KHDRBS2: variants seen among roughly 807,000 people sequenced by gnomAD.
KHDRBS2 encodes KH RNA binding domain containing, signal transduction associated 2.
KHDRBS2 carries 26 observed loss-of-function variants against 44.3 expected under a neutral mutation model. The ratio of observed to expected loss-of-function variants is 0.59; its 90% CI spans 0.43 to 0.81. The LOEUF (loss-of-function observed/expected upper bound fraction) is 0.81. KHDRBS2 is among the 40% of genes least tolerant of loss of function. The pLI, the probability that KHDRBS2 is intolerant of heterozygous loss-of-function variation, is 0.00. For synonymous variants in KHDRBS2, 194 were observed against 151.1 expected (o/e 1.28, Z -2.08); for missense variants, 476 against 433.1 (o/e 1.10, Z -0.88).
chr6:62,077,452 G>A (rs754334395), intron 2 of KHDRBS2, among the ~76,000 whole-genome samples: 4 of 152,010 alleles, frequency 2.6e-5, no homozygotes, highest in African/African-American at 9.7e-5. Flanking sequence ...TCATATGTAC[G>A]TCTGCATTCC....
At chr6:62,135,900 G>A (rs1811416089) in intron 2 of KHDRBS2, among the ~76,000 whole-genome samples, 3 of 152,028 alleles carry the variant, frequency 2.0e-5, no homozygotes, top group Non-Finnish European at 1.5e-5. Flanking sequence ...TAGAAAGGTG[G>A]GGTGGGGGAG....
At position 62,157,810 on chromosome 6, in the gene KHDRBS2, A is replaced by T. The variant is rs533302578; in HGVS notation, c.219+19375T>A. On this transcript the variant is annotated intron_variant, in intron 2 of 8. Transcript: ENST00000281156. ...TTTTAAAACTGTATTTAAGATGAAT[A>T]TGGCTAAAAATTCAGTTTGTAAATA... Among the ~76,000 whole-genome samples, 44 of 152,334 alleles carry T rather than the reference A, an allele frequency of 2.9e-4. No individual in the cohort carries two copies. In the South Asian group the frequency reaches 8.5e-3, roughly 29 times the overall value.
the KHDRBS2 span, among the ~76,000 whole-genome samples, chr6:61,663,499 C>CCATATATATATATATATATATATATATA: frequency 5.3e-4 from 3 of 5,630 alleles, no homozygotes; most frequent in African/African-American, 7.0e-4. Flanking sequence ...GCATGAGACA[C>CCATATATATATATATATATATATATATA]CATATATATA....
At chr6:62,256,566 C>A (rs1837425309) in intron 1 of KHDRBS2, among the ~76,000 whole-genome samples, 1 of 151,992 alleles carries the variant, frequency 6.6e-6, no homozygotes, top group Non-Finnish European at 1.5e-5. Flanking sequence ...TGAGACTTCC[C>A]CAGACACGTG....
intron 2 of KHDRBS2, among the ~76,000 whole-genome samples, chr6:62,067,135 T>C (rs530466696): frequency 6.6e-6 from 1 of 151,628 alleles, no homozygotes; most frequent in African/African-American, 2.4e-5. Context: ...GCAGATTACT[T>C]AGGTTACTTT....
chr6:61,732,922 A>G (rs57501826), intron 6 of KHDRBS2, among the ~76,000 whole-genome samples, 158 bp from the exon 7 acceptor site: 8,927 of 152,286 alleles, frequency 0.059, 438 homozygotes, highest in African/African-American at 0.13. Context: ...TTCTCACATA[A>G]ACTTAAATAA....
At chr6:61,888,425 T>C (rs1583341489) in intron 6 of KHDRBS2, among the ~76,000 whole-genome samples, 1 of 151,938 alleles carries the variant, frequency 6.6e-6, no homozygotes, top group South Asian at 2.1e-4. Flanking sequence ...TGGGTGGAGG[T>C]ATTGTACTAT....
chr6:61,668,956 T>A, the KHDRBS2 span, among the ~76,000 whole-genome samples: 1 of 150,952 alleles, frequency 6.6e-6, no homozygotes, highest in Non-Finnish European at 1.5e-5. Context: ...CCATGACTAT[T>A]TTTCTAGAGG....
intron 4 of KHDRBS2, among the ~76,000 whole-genome samples, chr6:61,936,341 T>A (rs1302824594): frequency 1.3e-5 from 2 of 152,044 alleles, no homozygotes; most frequent in Non-Finnish European, 2.9e-5. Context: ...AAATATAACA[T>A]TAATATTTTT....
intron 2 of KHDRBS2, among the ~76,000 whole-genome samples, chr6:62,086,417 T>G (rs1485724238): frequency 6.6e-6 from 1 of 152,142 alleles, no homozygotes; most frequent in Non-Finnish European, 1.5e-5. Context: ...TGCAAAATTA[T>G]AGAGAATGTA....
intron 3 of KHDRBS2, among the ~76,000 whole-genome samples, chr6:61,986,465 T>C (rs1479100732): frequency 6.6e-6 from 1 of 152,334 alleles, no homozygotes. Context: ...CAGTTTGATA[T>C]TGGTTTAGTT....
At chr6:61,735,460 G>A (rs1163988783) in intron 6 of KHDRBS2, among the ~76,000 whole-genome samples, 1 of 152,098 alleles carries the variant, frequency 6.6e-6, no homozygotes, top group Non-Finnish European at 1.5e-5. Flanking sequence ...AAGCATTTAT[G>A]AATTTTGTAG....
chr6:61,885,354 C>T (rs1340210681), intron 6 of KHDRBS2, among the ~76,000 whole-genome samples: 4 of 152,068 alleles, frequency 2.6e-5, no homozygotes, highest in Non-Finnish European at 5.9e-5. Flanking sequence ...GGGAAACTTC[C>T]GTCAAGTCTC....
At chr6:61,893,949 A>C (rs949771323) in intron 6 of KHDRBS2, among the ~76,000 whole-genome samples, 3 of 152,192 alleles carry the variant, frequency 2.0e-5, no homozygotes, top group Admixed American at 2.0e-4. Context: ...CACTATTAGT[A>C]AATTTTCCCT....
chr6:62,001,540 A>G (rs532590867), intron 3 of KHDRBS2, among the ~76,000 whole-genome samples: 2 of 152,256 alleles, frequency 1.3e-5, no homozygotes, highest in South Asian at 2.1e-4. Context: ...GTGGAAAAAA[A>G]TTACAGAAAA....
intron 2 of KHDRBS2, among the ~76,000 whole-genome samples, chr6:62,050,091 C>T (rs757770129): frequency 6.6e-6 from 1 of 152,018 alleles, no homozygotes; most frequent in Non-Finnish European, 1.5e-5. Flanking sequence ...AGCACATATA[C>T]ACCATGGAAT....
intron 3 of KHDRBS2, among the ~76,000 whole-genome samples, chr6:62,000,123 G>C (rs764835641): frequency 4.7e-5 from 7 of 147,502 alleles, no homozygotes; most frequent in Non-Finnish European, 1.1e-4. Context: ...AATTGTGTGA[G>C]TGTGTGTGTG....
intron 3 of KHDRBS2, among the ~76,000 whole-genome samples, chr6:61,999,538 C>T (rs1003219953): frequency 6.6e-6 from 1 of 152,012 alleles, no homozygotes; most frequent in African/African-American, 2.4e-5. Flanking sequence ...TGGCACATAC[C>T]TTTGGATTTT....
At chr6:62,039,003 T>C (rs1454206891) in intron 3 of KHDRBS2, among the ~76,000 whole-genome samples, 1 of 152,046 alleles carries the variant, frequency 6.6e-6, no homozygotes, top group African/African-American at 2.4e-5. Context: ...TATTCAATTA[T>C]ATTAGAACAG....
Sources: gnomAD v4.1 joint callset for allele counts (sites outside exome capture counted in the v4.1 genomes callset) on GRCh38, gnomAD v4.1.1 for gene constraint, MANE v1.5 for transcripts, NCBI Gene and HGNC (gene_info 2026-07-23, HGNC 2026-07-21) for gene names.